Variants in TMEM38B observed in about 807,000 individuals in gnomAD.
TMEM38B encodes transmembrane protein 38B.
Under a neutral mutation model 28.7 loss-of-function variants are expected in TMEM38B, and 24 were observed. The observed-to-expected ratio is 0.84, with a 90% CI of 0.61 to 1.18. The LOEUF (loss-of-function observed/expected upper bound fraction) is 1.18, where lower values mean the gene tolerates loss of function less well. Ranked by LOEUF, TMEM38B falls within the 50% of genes most tolerant of loss-of-function variation. The probability of loss-of-function intolerance (pLI) is 0.00; values close to 1 mark genes in which losing one functional copy is unlikely to be tolerated. For synonymous variants in TMEM38B, 131 were observed against 127.7 expected, an observed-to-expected ratio of 1.03 and a Z score of -0.17; for missense variants, 380 against 350.9, an observed-to-expected ratio of 1.08 and a Z score of -0.66.
At chr9:105,768,420 A>T (rs572285071) in intron 5 of TMEM38B, among the ~76,000 whole-genome samples, 16 of 152,214 alleles carry the variant, frequency 1.1e-4, no homozygotes, top group Non-Finnish European at 1.9e-4. Context: ...TTGTATTAAC[A>T]TAAAATTGGG....
chr9:105,710,426 C>T (rs1384569426), intron 2 of TMEM38B: 31 of 1,213,812 alleles, frequency 2.6e-5, no homozygotes, highest in African/African-American at 1.6e-4. Flanking sequence ...GCTTCTAGGA[C>T]GTCTGTATCT....
In TMEM38B at chr9:105,775,496, T is replaced by TG. The variant is rs926129355; in HGVS notation, c.*1416_*1417insG. The TG allele has an allele frequency of 1.9e-4, 29 of 152,200 alleles. No homozygotes were observed. The highest frequency in any genetic ancestry group is 7.0e-4 in the African/African-American group (29 of 41,544). 9.4% of individuals were successfully genotyped at this position (152,200 alleles called of 1,614,324 possible). ...TCACATTCAAGTTAGAAGTTTTTTTTTTGTTGTTGTTATTTTAAATTTTTA... is the reference window on the plus strand; with the variant it reads ...TCACATTCAAGTTAGAAGTTTTTTTTGTTGTTGTTGTTATTTTAAATTTTTA... On this transcript the variant is annotated 3_prime_UTR_variant, in exon 6 of 6. Transcript: ENST00000374692.
At chr9:105,748,855 A>G (rs967622421) in intron 5 of TMEM38B, among the ~76,000 whole-genome samples, 1 of 152,164 alleles carries the variant, frequency 6.6e-6, no homozygotes, top group East Asian at 1.9e-4. Flanking sequence ...GACTGTTCAT[A>G]CCATGATTAA....
chr9:105,699,998 T>C (rs1470050379), intron 1 of TMEM38B, among the ~76,000 whole-genome samples: 1 of 152,218 alleles, frequency 6.6e-6, no homozygotes, highest in Non-Finnish European at 1.5e-5. Flanking sequence ...TCTTAAGTCT[T>C]CATTAAAATA....
At chr9:105,764,565 G>A (rs1826288895) in intron 5 of TMEM38B, among the ~76,000 whole-genome samples, 1 of 152,044 alleles carries the variant, frequency 6.6e-6, no homozygotes, top group Non-Finnish European at 1.5e-5. Flanking sequence ...GCAAACCACT[G>A]CTCAAGGAAA....
intron 4 of TMEM38B, among the ~76,000 whole-genome samples, chr9:105,731,205 G>A (rs527561242): frequency 5.5e-4 from 83 of 152,000 alleles, no homozygotes; most frequent in African/African-American, 1.9e-3. Flanking sequence ...GGCATTTAGT[G>A]CTATAAATTT....
chr9:105,760,653 T>A, intron 5 of TMEM38B: 1 of 918,412 alleles, frequency 1.1e-6, no homozygotes, highest in Non-Finnish European at 1.8e-6. Flanking sequence ...AGAAAAGATT[T>A]CCAACCACGG....
intron 4 of TMEM38B, among the ~76,000 whole-genome samples, chr9:105,742,342 A>G (rs952707357): frequency 1.3e-5 from 2 of 152,222 alleles, no homozygotes; most frequent in African/African-American, 2.4e-5. Flanking sequence ...ACCTCAAGCC[A>G]CAGAAGATTA....
chr9:105,730,000 A>G (rs1836671324), intron 4 of TMEM38B, among the ~76,000 whole-genome samples: 1 of 152,172 alleles, frequency 6.6e-6, no homozygotes. Flanking sequence ...GGTTTTCTAA[A>G]TATACAATCA....
intron 4 of TMEM38B, among the ~76,000 whole-genome samples, chr9:105,732,317 A>T (rs1054028528): frequency 4.6e-5 from 7 of 152,068 alleles, no homozygotes; most frequent in Non-Finnish European, 1.0e-4. Context: ...GTTTAATTAG[A>T]TCCCATTTGT....
At chr9:105,758,757 C>T in intron 5 of TMEM38B, 1 of 749,984 alleles carries the variant, frequency 1.3e-6, no homozygotes, top group South Asian at 1.5e-5. Flanking sequence ...AAACTTATCT[C>T]ATAGAACTCC....
At chr9:105,757,733 G>A (rs939636873) in intron 5 of TMEM38B, among the ~76,000 whole-genome samples, 2 of 152,176 alleles carry the variant, frequency 1.3e-5, no homozygotes, top group Non-Finnish European at 1.5e-5. Context: ...GTTGGGTTTC[G>A]AAATTAAGAG....
chr9:105,721,608 C>T lies in TMEM38B; in HGVS notation c.341C>T (p.Ala114Val), dbSNP rs199758976. The T allele has an allele frequency of 1.3e-4, 217 of 1,613,482 alleles. No individual in the cohort carries two copies. Among genetic ancestry groups the T allele is most frequent in the Non-Finnish European group, 1.9e-5 (23 of 1,179,676 alleles). The change falls in exon 3 of 6, where the codon GCT becomes GTT. Residue 114 changes from alanine (A) to valine (V), a missense_variant. Ala to Val is a moderately conservative substitution (Grantham distance 64, BLOSUM62 0). Coordinates refer to ENST00000374692, the MANE Select transcript of TMEM38B (RefSeq NM_018112.3). Reference protein sequence around the residue: ...GYSYLPVQLLASGMKEVTRTW... With the variant: ...GYSYLPVQLLVSGMKEVTRTW... ...TCATATCTACCTGTTCAACTACTGG[C>T]TTCGGGAATGAAGGAAGTGACCAGA...
chr9:105,728,683 A>G (rs1417033917), intron 4 of TMEM38B, among the ~76,000 whole-genome samples: 3 of 152,136 alleles, frequency 2.0e-5, no homozygotes, highest in African/African-American at 7.2e-5. Context: ...CAATGGTTGA[A>G]CTAATTTACA....
At chr9:105,753,282 A>G (rs1292088383) in intron 5 of TMEM38B, among the ~76,000 whole-genome samples, 3 of 152,170 alleles carry the variant, frequency 2.0e-5, no homozygotes, top group Non-Finnish European at 4.4e-5. Flanking sequence ...ACCTAACAAG[A>G]CAAGCCAACA....
intron 5 of TMEM38B, among the ~76,000 whole-genome samples, chr9:105,755,153 T>C (rs898341044): frequency 1.3e-5 from 2 of 152,130 alleles, no homozygotes; most frequent in African/African-American, 2.4e-5. Context: ...ATACATAGCC[T>C]ACCAACCAAA....
At position 105,774,359 on chromosome 9, in the gene TMEM38B, A is replaced by C. The variant is rs1826661610; in HGVS notation, c.*279A>C. Reference sequence around the variant, plus strand: ...TTAATAAAAGAAGACAAAATTTTTTAAATGTTAGAAAAAGCAGATCTGTCA... The same window carrying C: ...TTAATAAAAGAAGACAAAATTTTTTCAATGTTAGAAAAAGCAGATCTGTCA... On this transcript the variant is annotated 3_prime_UTR_variant, in exon 6 of 6. Transcript: ENST00000374692. 4.6e-6 allele frequency: 1 copy of C among 217,302 alleles called. No homozygotes were observed. The highest frequency in any genetic ancestry group is 9.0e-6 in the Non-Finnish European group (1 of 111,348). 13.5% of individuals were successfully genotyped at this position (217,302 alleles called of 1,614,324 possible).
chr9:105,730,981 CATCT>C (rs1306375515), intron 4 of TMEM38B, among the ~76,000 whole-genome samples: 1 of 151,758 alleles, frequency 6.6e-6, no homozygotes, highest in Non-Finnish European at 1.5e-5. Flanking sequence ...TCTTGCTAGC[CATCT>C]ATCTATTTTG....
intron 1 of TMEM38B, among the ~76,000 whole-genome samples, chr9:105,703,930 TG>T (rs1835550785): frequency 6.6e-6 from 1 of 152,140 alleles, no homozygotes; most frequent in Non-Finnish European, 1.5e-5. Context: ...TTGAGTTCAT[TG>T]TAGATTCTGA....
Sources: gnomAD v4.1 joint callset for allele counts (sites outside exome capture counted in the v4.1 genomes callset) on GRCh38, gnomAD v4.1.1 for gene constraint, MANE v1.5 for transcripts, NCBI Gene and HGNC (gene_info 2026-07-23, HGNC 2026-07-21) for gene names.